Variants in ANK3 observed in about 807,000 individuals in gnomAD.
The protein encoded by ANK3 is ankyrin-3.
In ANK3, 57 loss-of-function variants were observed where a neutral mutation model predicts 370.9. The ratio of observed to expected loss-of-function variants is 0.15; its 90% CI spans 0.12 to 0.19. ANK3 has a LOEUF of 0.19. Among genes scored for constraint, ANK3 ranks in the 10% least tolerant of loss-of-function variants. ANK3 has a pLI of 1.00. For missense variants in ANK3, 4,439 were observed against 5,302.1 expected, an observed-to-expected ratio of 0.84 and a Z score of 5.06; for synonymous variants, 1,929 against 1,946.3, an observed-to-expected ratio of 0.99 and a Z score of 0.23.
intron 1 of ANK3, among the ~76,000 whole-genome samples, chr10:60,690,967 T>A (rs1405472764): frequency 7.2e-5 from 11 of 152,222 alleles, no homozygotes. Flanking sequence ...CATAGACCAC[T>A]ATTTTTTAAC....
intron 1 of ANK3, among the ~76,000 whole-genome samples, chr10:60,678,305 T>C (rs2079152612): frequency 6.6e-6 from 1 of 152,214 alleles, no homozygotes; most frequent in Admixed American, 6.5e-5. Context: ...GACTGTTGTA[T>C]TGGCTTTAAC....
intron 2 of ANK3, among the ~76,000 whole-genome samples, chr10:60,412,902 T>C (rs1314513321): frequency 3.9e-5 from 6 of 152,238 alleles, no homozygotes; most frequent in Admixed American, 3.9e-4. Context: ...CTCATTTATC[T>C]TTTTATTCCC....
At chr10:60,589,289 T>C (rs190556376) in intron 2 of ANK3, among the ~76,000 whole-genome samples, 3 of 152,330 alleles carry the variant, frequency 2.0e-5, no homozygotes, top group Admixed American at 2.0e-4. Context: ...GTTAATTATC[T>C]TATTCTAATT....
chr10:60,437,827 A>C (rs887339580), intron 2 of ANK3, among the ~76,000 whole-genome samples: 13 of 152,184 alleles, frequency 8.5e-5, no homozygotes, highest in African/African-American at 3.1e-4. Context: ...AAAAGGATTA[A>C]GCAACTTATG....
rs552448233 is a variant in ANK3 at position 60,231,497 on chromosome 10, A to C, written c.897+3191T>G. On this transcript the variant is annotated intron_variant, in intron 8 of 43. Transcript: ENST00000280772. ...TAAGTACTTGGTGGGAGGCAGATGG[A>C]TAGATAACGGTATCTATTTTCTCAG... Among the ~76,000 whole-genome samples the C allele has an allele frequency of 5.3e-5, 8 of 152,232 alleles. No individual in the cohort carries two copies. In the South Asian group the frequency reaches 1.7e-3, roughly 32 times the overall value.
rs34081842 is a variant in ANK3, at chr10:60,647,605, T to TAA, written c.58-32383_58-32382dup. ...TTAAATTCATAGTGTCTAAAAACAGTAAAAAAAAAAAAACTTGCCTTGTGA... is the reference window on the plus strand; with the variant it reads ...TTAAATTCATAGTGTCTAAAAACAGTAAAAAAAAAAAAAAACTTGCCTTGTGA... On this transcript the variant is annotated intron_variant, in intron 1 of 43. Transcript: ENST00000373827. 1.4e-3 allele frequency among the ~76,000 whole-genome samples: 210 copies of TAA among 144,842 alleles called. 1 individual carries two copies. The highest frequency in any genetic ancestry group is 3.3e-3 in the South Asian group (15 of 4,604).
intron 4 of ANK3, among the ~76,000 whole-genome samples, chr10:60,270,649 G>A (rs760129869): frequency 1.3e-5 from 2 of 152,126 alleles, no homozygotes; most frequent in African/African-American, 4.8e-5. Context: ...TCAATTATCT[G>A]TTTTAAATAA....
At chr10:60,206,117 C>A (rs868201894) in intron 10 of ANK3, among the ~76,000 whole-genome samples, 1 of 152,102 alleles carries the variant, frequency 6.6e-6, no homozygotes, top group African/African-American at 2.4e-5. Flanking sequence ...TTACACTCTC[C>A]TGGTTAGCTG....
chr10:60,084,587 T>C lies in ANK3; in HGVS notation c.4074+15A>G, dbSNP rs2132015690. 6.2e-7 allele frequency: 1 copy of C among 1,606,696 alleles called. No homozygotes were observed. The highest frequency in any genetic ancestry group is 8.5e-7 in the Non-Finnish European group (1 of 1,173,742). Reference sequence around the variant, plus strand: ...AGTACGTAATGAAATGAACTTGTTTTTGTGAACAAGGTACCTCAATATCTT... The same window carrying C: ...AGTACGTAATGAAATGAACTTGTTTCTGTGAACAAGGTACCTCAATATCTT... On this transcript the variant is annotated intron_variant, in intron 32 of 43. Transcript: ENST00000280772.
chr10:60,363,549 C>T (rs559998925), intron 1 of ANK3, among the ~76,000 whole-genome samples: 1 of 152,332 alleles, frequency 6.6e-6, no homozygotes, highest in East Asian at 1.9e-4. Context: ...AGGTTCTCAA[C>T]ACACGACCCT....
chr10:60,514,551 A>C (rs2133169194), intron 2 of ANK3, among the ~76,000 whole-genome samples: 1 of 152,048 alleles, frequency 6.6e-6, no homozygotes, highest in East Asian at 1.9e-4. Context: ...ACATCCTTTA[A>C]TCCCTTCAAA....
chr10:60,186,866 T>A lies in ANK3; in HGVS notation c.1934A>T (p.Asp645Val), dbSNP rs1412381925. 7.4e-6 allele frequency: 12 copies of A among 1,614,056 alleles called. No individual in the cohort carries two copies. Among genetic ancestry groups the A allele is most frequent in the Non-Finnish European group, 1.0e-5 (12 of 1,180,040 alleles). Residue 645 changes from aspartate (D) to valine (V), a missense_variant, in exon 17 of 44, where the codon GAC becomes GTC. Coordinates refer to ENST00000280772, the MANE Select transcript of ANK3 (RefSeq NM_020987.5). ...ATATTCCAGCAGAGTTGTCGCTATG[T>A]CCATCTGGTTCTTTTTGGCAGCGAT... ...LHIAAKKNQM[D>V]IATTLLEYGA...
chr10:60,072,345 G>T lies in ANK3; in HGVS notation c.8536C>A (p.Pro2846Thr). The T allele has an allele frequency of 6.2e-7, 1 of 1,613,682 alleles. No homozygotes were observed. The highest frequency in any genetic ancestry group is 8.5e-7 in the Non-Finnish European group (1 of 1,179,936). ...HITSDLATRGPWDKKVFRTWE... is the reference protein window; with the variant it reads ...HITSDLATRGTWDKKVFRTWE... ...GTTCTAAAGACCTTTTTGTCCCATG[G>T]TCCCCTAGTTGCTAAATCTGAGGTT... The change falls in exon 37 of 44, where the codon CCA (proline) becomes ACA (threonine). Residue 2846 changes from proline (P) to threonine (T), a missense_variant. This residue lies in a region of ANK3 where 1,601 missense variants were observed against 1,731.7 expected (regional missense o/e 0.92). Transcript: ENST00000280772.
At chr10:60,267,178 T>G (rs2097894688) in intron 5 of ANK3, among the ~76,000 whole-genome samples, 1 of 152,178 alleles carries the variant, frequency 6.6e-6, no homozygotes, top group Non-Finnish European at 1.5e-5. Context: ...AACTTGCTAT[T>G]TAAAGGATCC....
intron 43 of ANK3, among the ~76,000 whole-genome samples, chr10:60,030,621 G>C (rs1246737291): frequency 6.6e-6 from 1 of 152,104 alleles, no homozygotes; most frequent in East Asian, 1.9e-4. Context: ...GATCCAGTCA[G>C]ATAGAGCCTT....
chr10:60,548,438 C>T (rs1170393392), intron 2 of ANK3, among the ~76,000 whole-genome samples: 1 of 151,388 alleles, frequency 6.6e-6, no homozygotes, highest in Non-Finnish European at 1.5e-5. Flanking sequence ...TTAGTAGAGA[C>T]GGGGTTTCGC....
intron 1 of ANK3, among the ~76,000 whole-genome samples, chr10:60,330,343 G>A (rs1231060673): frequency 6.6e-6 from 1 of 152,076 alleles, no homozygotes; most frequent in East Asian, 1.9e-4. Context: ...GACTGAACAG[G>A]CAGCTTACAG....
At chr10:60,686,453 T>A (rs1039219157) in intron 1 of ANK3, among the ~76,000 whole-genome samples, 15 of 152,182 alleles carry the variant, frequency 9.9e-5, no homozygotes, top group Non-Finnish European at 1.5e-4. Context: ...TGGAGTGGGA[T>A]GAAGCTATAA....
At chr10:60,150,613 C>T (rs999583462) in intron 23 of ANK3, among the ~76,000 whole-genome samples, 2 of 152,002 alleles carry the variant, frequency 1.3e-5, no homozygotes, top group Non-Finnish European at 2.9e-5. Context: ...TGGCTGGATG[C>T]CCTCCTTGTT....
Sources: gnomAD v4.1 joint callset for allele counts (sites outside exome capture counted in the v4.1 genomes callset) on GRCh38, gnomAD v4.1.1 for gene constraint, gnomAD v4.1.1 regional missense constraint, MANE v1.5 for transcripts, NCBI Gene and HGNC (gene_info 2026-07-23, HGNC 2026-07-21) for gene names.